Variants in GRM4 observed in about 807,000 individuals in gnomAD.
GRM4 encodes glutamate metabotropic receptor 4.
GRM4 carries 28 observed loss-of-function variants against 81.7 expected under a neutral mutation model. That is an observed-to-expected ratio of 0.34 (90% confidence interval 0.25 to 0.47). GRM4 has a LOEUF of 0.47. Among genes scored for constraint, GRM4 ranks in the 20% least tolerant of loss-of-function variants. GRM4 has a pLI of 1.00. For synonymous variants in GRM4, 488 were observed against 528.8 expected, an observed-to-expected ratio of 0.92 and a Z score of 1.06; for missense variants, 948 against 1,290.0, an observed-to-expected ratio of 0.73 and a Z score of 4.06.
rs556731411 is a variant in GRM4 at position 34,121,982 on chromosome 6, G to C, written c.519+10996C>G. Among the ~76,000 whole-genome samples, 1 of 152,170 alleles carries C rather than the reference G, an allele frequency of 6.6e-6. No homozygotes were observed. The highest frequency in any genetic ancestry group is 2.4e-5 in the African/African-American group (1 of 41,564). The stretch of plus-strand genomic sequence containing the variant: ...CGGAGGGAGGGGTCTGGGTGGGGCG[G>C]GTGCCCACCAGGAAGTGCTCAGTAC... On this transcript the variant is annotated intron_variant, in intron 2 of 10. Transcript: ENST00000538487. This position sits in a 1 kb window ranked among gnomAD's most constrained non-coding sequence, Gnocchi z 4.6.
intron 2 of GRM4, among the ~76,000 whole-genome samples, chr6:34,099,479 A>G (rs1375891654): frequency 4.6e-5 from 7 of 152,070 alleles, no homozygotes; most frequent in African/African-American, 1.7e-4. Flanking sequence ...ATTGGGGATC[A>G]ATTATATGTG....
intron 2 of GRM4, among the ~76,000 whole-genome samples, chr6:34,093,314 T>A (rs1768340453): frequency 6.6e-6 from 1 of 152,004 alleles, no homozygotes; most frequent in Admixed American, 6.5e-5. Context: ...ACCAGTCAGC[T>A]CCCCTTCCTC....
At chr6:34,147,182 G>T (rs748665816), upstream of GRM4, among the ~76,000 whole-genome samples, 1 of 152,182 alleles carries the variant, frequency 6.6e-6, no homozygotes, top group Non-Finnish European at 1.5e-5. Flanking sequence ...GAAGCACCCA[G>T]ATTGTTCATT....
intron 6 of GRM4, among the ~76,000 whole-genome samples, chr6:34,045,248 G>A (rs908300083): frequency 1.1e-4 from 17 of 152,228 alleles, no homozygotes; most frequent in African/African-American, 3.6e-4. Context: ...TGCCTGTGAC[G>A]GCAGCAGCTT....
rs1259918144 is a variant in GRM4, at chr6:34,048,968, A to G, written c.1168+7576T>C. ...AGGTAGTTCTTTATAGCAGCGTGAG[A>G]ACAACTAACACACTAGGTCTTTCTC... On this transcript the variant is annotated intron_variant, in intron 6 of 10. Coordinates refer to ENST00000538487, the MANE Select transcript of GRM4 (RefSeq NM_000841.4). This position sits in a 1 kb window ranked among gnomAD's most constrained non-coding sequence, Gnocchi z 4.0. Among the ~76,000 whole-genome samples, 3 of 152,166 alleles carry G rather than the reference A, an allele frequency of 2.0e-5. No individual in the cohort carries two copies. Among genetic ancestry groups the G allele is most frequent in the African/African-American group, 7.2e-5 (3 of 41,422 alleles).
Position 34,042,855 on chromosome 6 carries a change from C to A in GRM4, c.1169-2107G>T, listed in dbSNP as rs1369843139. On this transcript the variant is annotated intron_variant, in intron 6 of 10. Coordinates refer to ENST00000538487, the MANE Select transcript of GRM4 (RefSeq NM_000841.4). This position sits in a 1 kb window ranked among gnomAD's most constrained non-coding sequence, Gnocchi z 4.2. Reference sequence around the variant, plus strand: ...CTCTAATCCCCTCACACCCTCTAATCCTGGCCACACCAGTGGCCACACCCA... The same window carrying A: ...CTCTAATCCCCTCACACCCTCTAATACTGGCCACACCAGTGGCCACACCCA... Among the ~76,000 whole-genome samples the A allele has an allele frequency of 1.3e-5, 2 of 152,198 alleles. No individual in the cohort carries two copies. Among genetic ancestry groups the A allele is most frequent in the East Asian group, 3.9e-4 (2 of 5,194 alleles).
rs1164826767 is a variant in GRM4, at chr6:34,034,565, T to C, written c.2442+1103A>G. 3.9e-5 allele frequency among the ~76,000 whole-genome samples: 6 copies of C among 152,216 alleles called. No homozygotes were observed. ...TCACTCATGGTAAAAGCCAATGTCA[T>C]TGCCACCATCTGGCCTGTCACCTCT... is the stretch of plus-strand genomic sequence containing the variant. On this transcript the variant is annotated intron_variant, in intron 9 of 10. Transcript: ENST00000538487. This position sits in a 1 kb window ranked among gnomAD's most constrained non-coding sequence, Gnocchi z 4.0.
Position 34,064,388 on chromosome 6 carries a change from C to G in GRM4, c.737-2360G>C, listed in dbSNP as rs147270132. 2.4e-3 allele frequency among the ~76,000 whole-genome samples: 365 copies of G among 152,294 alleles called. 1 individual carries two copies. The highest frequency in any genetic ancestry group is 5.7e-3 in the Admixed American group (88 of 15,308). On this transcript the variant is annotated intron_variant, in intron 3 of 10. Transcript: ENST00000538487. This position sits in a 1 kb window ranked among gnomAD's most constrained non-coding sequence, Gnocchi z 4.4. ...AGAGGTTAAGTAGCTTCCCCAGGAT[C>G]ACAAAGATAGTCAGGGGAAGAGGTG...
At chr6:34,058,859 A>G (rs1371540597) in intron 5 of GRM4, 115 bp downstream of exon 5, 4 of 809,448 alleles carry the variant, frequency 4.9e-6, no homozygotes, top group Non-Finnish European at 5.8e-6. Context: ...TGGGCCAAGG[A>G]AGAGAAAAGG....
intron 10 of GRM4, among the ~76,000 whole-genome samples, chr6:34,026,154 A>T (rs1480781902): frequency 5.9e-5 from 9 of 152,134 alleles, no homozygotes; most frequent in Non-Finnish European, 1.3e-4. Flanking sequence ...CCCCTGAATT[A>T]TTTATTCTGT....
At chr6:34,112,925 T>G (rs148618615) in intron 2 of GRM4, among the ~76,000 whole-genome samples, 5 of 152,366 alleles carry the variant, frequency 3.3e-5, no homozygotes, top group African/African-American at 1.2e-4. Flanking sequence ...CACTTATGTT[T>G]TCGCCAGGGC....
intron 6 of GRM4, among the ~76,000 whole-genome samples, chr6:34,044,497 TAC>T (rs1157844802): frequency 4.0e-4 from 44 of 110,296 alleles, no homozygotes; most frequent in Non-Finnish European, 5.7e-4. Context: ...TACATAGACA[TAC>T]ACACATACAC....
intron 2 of GRM4, among the ~76,000 whole-genome samples, chr6:34,096,243 G>T (rs567088346): frequency 6.6e-6 from 1 of 152,276 alleles, no homozygotes; most frequent in South Asian, 2.1e-4. Context: ...CAGGCGTCCT[G>T]CTCTAGGTCC....
At chr6:34,122,263 A>G (rs1188915494) in intron 2 of GRM4, among the ~76,000 whole-genome samples, 1 of 152,046 alleles carries the variant, frequency 6.6e-6, no homozygotes, top group Non-Finnish European at 1.5e-5. Flanking sequence ...GGGGGAAGAA[A>G]GAGATGGGGT....
At chr6:34,144,999 C>T (rs187754734) in intron 1 of GRM4, among the ~76,000 whole-genome samples, 4,592 of 152,072 alleles carry the variant, frequency 0.03, 187 homozygotes, top group African/African-American at 0.088. Context: ...GGCCACCTCC[C>T]CGAGCCCCGA....
chr6:34,044,155 T>TAC lies in GRM4; in HGVS notation c.1169-3409_1169-3408dup, dbSNP rs1765155756. ...ACACATATACATACATACACATATA[T>TAC]ACACATACACACACATATACATACA... On this transcript the variant is annotated intron_variant, in intron 6 of 10. Transcript: ENST00000538487. 3.0e-5 allele frequency among the ~76,000 whole-genome samples: 4 copies of TAC among 133,798 alleles called. 1 individual carries two copies. The highest frequency in any genetic ancestry group is 4.7e-4 in the South Asian group (2 of 4,270). The allele number at this position is 133,798 out of a possible 152,430, so 87.8% of individuals were successfully genotyped here. A position where few individuals can be genotyped will look rare whatever the true frequency, so the allele number is the denominator to read the frequency against.
chr6:34,113,871 TCTC>T lies in GRM4; in HGVS notation c.519+19104_519+19106del, dbSNP rs1370601834. 2.0e-5 allele frequency among the ~76,000 whole-genome samples: 3 copies of T among 152,014 alleles called. No individual in the cohort carries two copies. In the East Asian group the frequency reaches 5.8e-4, roughly 29 times the overall value. On this transcript the variant is annotated intron_variant, in intron 2 of 10. Coordinates refer to ENST00000538487, the MANE Select transcript of GRM4 (RefSeq NM_000841.4). Reference sequence around the variant, plus strand: ...TATCTACTGCACCTGGAGTAAAAGTTCTCCTCTGTCTCAGAGCCCACAGGCCCT... The same window carrying T: ...TATCTACTGCACCTGGAGTAAAAGTTCTCTGTCTCAGAGCCCACAGGCCCT...
At chr6:34,124,721 T>G (rs1415321199) in intron 2 of GRM4, among the ~76,000 whole-genome samples, 2 of 152,220 alleles carry the variant, frequency 1.3e-5, no homozygotes, top group Admixed American at 1.3e-4. Context: ...GTGCCGGGCA[T>G]GGAGATGGCC....
intron 3 of GRM4, among the ~76,000 whole-genome samples, chr6:34,077,316 C>T (rs549697876): frequency 3.2e-4 from 48 of 152,212 alleles, no homozygotes; most frequent in Middle Eastern, 3.4e-3. Flanking sequence ...CCAGGCCCCT[C>T]TCAGGCTGGC....
Sources: gnomAD v4.1 joint callset for allele counts (sites outside exome capture counted in the v4.1 genomes callset) on GRCh38, gnomAD v4.1.1 for gene constraint, Gnocchi (gnomAD v3.1) non-coding constraint, MANE v1.5 for transcripts, NCBI Gene and HGNC (gene_info 2026-07-23, HGNC 2026-07-21) for gene names.